The following TRHDE variants were observed in gnomAD, a reference collection of about 807,000 sequenced individuals.
The protein encoded by TRHDE is thyrotropin releasing hormone degrading enzyme.
A neutral mutation model predicts 125.7 loss-of-function variants in TRHDE; 72 were observed. The ratio of observed to expected loss-of-function variants is 0.57; its 90% CI spans 0.47 to 0.70. The LOEUF is 0.70. TRHDE is among the 30% of genes least tolerant of loss of function. The pLI, the probability that TRHDE is intolerant of heterozygous loss-of-function variation, is 0.00. For missense variants in TRHDE, 1,110 were observed against 1,327.1 expected, an observed-to-expected ratio of 0.84 and a Z score of 2.54; for synonymous variants, 509 against 509.1, an observed-to-expected ratio of 1.00 and a Z score of 0.00.
intron 15 of TRHDE, among the ~76,000 whole-genome samples, chr12:72,649,384 C>T (rs1020602321): frequency 3.3e-5 from 5 of 151,608 alleles, no homozygotes; most frequent in Admixed American, 6.6e-5. Context: ...TTTTATATAC[C>T]GTACACAAAA....
At chr12:72,476,132 C>T (rs924486638) in intron 5 of TRHDE, among the ~76,000 whole-genome samples, 1 of 152,076 alleles carries the variant, frequency 6.6e-6, no homozygotes, top group Non-Finnish European at 1.5e-5. Flanking sequence ...GGCCAGGCTG[C>T]TCTCGAACTC....
intron 7 of TRHDE, among the ~76,000 whole-genome samples, chr12:72,561,822 T>A (rs1055458319): frequency 2.0e-4 from 31 of 152,144 alleles, no homozygotes; most frequent in African/African-American, 7.5e-4. Flanking sequence ...AAAAGCCTGA[T>A]GGGAAAGTTT....
At chr12:72,562,786 G>A (rs1339157019) in intron 8 of TRHDE, 67 bp from the exon 9 acceptor site, 9 of 1,023,784 alleles carry the variant, frequency 8.8e-6, no homozygotes, top group Non-Finnish European at 1.3e-5. Flanking sequence ...AAATAAAAAT[G>A]TCTTAATGTT....
chr12:72,430,368 T>C (rs1874409114), intron 3 of TRHDE, among the ~76,000 whole-genome samples: 1 of 143,004 alleles, frequency 7.0e-6, no homozygotes, highest in Non-Finnish European at 1.5e-5. Flanking sequence ...TATACATATA[T>C]ACGTATATAT....
At chr12:72,332,160 A>T (rs932783673) in intron 2 of TRHDE, among the ~76,000 whole-genome samples, 11 of 151,262 alleles carry the variant, frequency 7.3e-5, no homozygotes, top group African/African-American at 1.2e-4. Flanking sequence ...TTTTTTTGAG[A>T]TGGAGTCTCG....
At chr12:72,577,146 G>A (rs571657321) in intron 12 of TRHDE, among the ~76,000 whole-genome samples, 4 of 152,134 alleles carry the variant, frequency 2.6e-5, no homozygotes, top group African/African-American at 9.7e-5. Flanking sequence ...TGTATTTAAT[G>A]TGATAATGTA....
At chr12:72,541,385 T>C (rs1334447586) in intron 6 of TRHDE, among the ~76,000 whole-genome samples, 2 of 151,572 alleles carry the variant, frequency 1.3e-5, no homozygotes, top group Non-Finnish European at 3.0e-5. Flanking sequence ...ATTGATTACG[T>C]ACCTACCTTT....
chr12:72,442,593 C>T (rs1382532148), intron 3 of TRHDE, among the ~76,000 whole-genome samples: 1 of 151,694 alleles, frequency 6.6e-6, no homozygotes. Flanking sequence ...CTGTTTTTCC[C>T]TCTACCACTT....
intron 12 of TRHDE, among the ~76,000 whole-genome samples, chr12:72,578,365 C>T (rs1203540431): frequency 6.6e-6 from 1 of 152,100 alleles, no homozygotes; most frequent in African/African-American, 2.4e-5. Context: ...CAGCAGAGTC[C>T]ATGACCTCAA....
chr12:72,528,826 T>C (rs1313246730), intron 6 of TRHDE, among the ~76,000 whole-genome samples: 2 of 152,144 alleles, frequency 1.3e-5, no homozygotes, highest in Non-Finnish European at 2.9e-5. Context: ...CATTCAATGC[T>C]GTTATTAGTT....
At chr12:72,409,806 A>C (rs1350329726) in intron 3 of TRHDE, among the ~76,000 whole-genome samples, 1 of 152,188 alleles carries the variant, frequency 6.6e-6, no homozygotes, top group Non-Finnish European at 1.5e-5. Context: ...GAATTACTTA[A>C]AATGATAATA....
In TRHDE at chr12:72,097,440, A is replaced by ATTTTTT. The variant is rs869290442; in HGVS notation, n.175-8186_175-8181dup. Among the ~76,000 whole-genome samples the ATTTTTT allele has an allele frequency of 2.2e-3, 47 of 21,644 alleles. 2 individuals carry two copies. Among genetic ancestry groups the ATTTTTT allele is most frequent in the African/African-American group, 3.8e-3 (40 of 10,568 alleles). 14.2% of individuals were successfully genotyped at this position (21,644 alleles called of 152,430 possible). A position where few individuals can be genotyped will look rare whatever the true frequency, so the allele number is the denominator to read the frequency against. ...CCTTGCAGTAGCATTTTCTCACTGA[A>ATTTTTT]TTTTTTTTTTTTTTTTTTTTTTTTT... On this transcript the variant is annotated intron_variant and non_coding_transcript_variant, in intron 1 of 4. Coordinates refer to the TRHDE transcript ENST00000548156.
chr12:72,212,193 C>T (rs532306609), intron 2 of TRHDE, among the ~76,000 whole-genome samples: 6 of 151,646 alleles, frequency 4.0e-5, no homozygotes, highest in African/African-American at 1.5e-4. Context: ...TATTCATTGG[C>T]TTAGAATTAA....
intron 2 of TRHDE, chr12:72,147,640 A>T (rs1876259679): frequency 6.6e-6 from 1 of 152,246 alleles, no homozygotes; most frequent in Admixed American, 6.5e-5. Context: ...AAAAGCCATT[A>T]AAAAAGAAAA....
chr12:72,509,608 G>A lies in TRHDE; in HGVS notation c.1722+9973G>A, dbSNP rs140485185. Reference sequence around the variant, plus strand: ...TACTTAAATGTCACCTTCTCAAGAAGACCTCCCATTTAAAATGGGAATTGA... The same window carrying A: ...TACTTAAATGTCACCTTCTCAAGAAAACCTCCCATTTAAAATGGGAATTGA... On this transcript the variant is annotated intron_variant, in intron 6 of 18. Transcript: ENST00000261180. 8.8e-3 allele frequency among the ~76,000 whole-genome samples: 1,332 copies of A among 152,170 alleles called. 8 individuals are homozygous for A. The highest frequency in any genetic ancestry group is 0.015 in the Non-Finnish European group (992 of 68,006).
chr12:72,456,399 G>A (rs1038016661), intron 3 of TRHDE, among the ~76,000 whole-genome samples: 4 of 152,100 alleles, frequency 2.6e-5, no homozygotes, highest in Non-Finnish European at 5.9e-5. Context: ...CATGTTATGT[G>A]TATATTAGAG....
intron 6 of TRHDE, among the ~76,000 whole-genome samples, chr12:72,525,470 T>A (rs369629913): frequency 1.8e-4 from 28 of 152,170 alleles, no homozygotes; most frequent in Middle Eastern, 6.8e-3. Context: ...AAAATCAAAT[T>A]AAAAGATTGT....
intron 2 of TRHDE, among the ~76,000 whole-genome samples, chr12:72,252,889 T>C (rs960881122): frequency 3.9e-5 from 6 of 152,106 alleles, no homozygotes; most frequent in African/African-American, 1.2e-4. Context: ...ATTAAGTTTA[T>C]ACCTCAATAT....
At chr12:72,491,766 GT>G (rs1430283701) in intron 5 of TRHDE, among the ~76,000 whole-genome samples, 5 of 151,918 alleles carry the variant, frequency 3.3e-5, no homozygotes, top group African/African-American at 9.7e-5. Context: ...CGCTTTTTAA[GT>G]TTATGCACTG....
Sources: allele counts gnomAD v4.1 joint callset (sites outside exome capture counted in the v4.1 genomes callset), GRCh38; gene constraint gnomAD v4.1.1; transcripts MANE v1.5; gene names NCBI Gene and HGNC (gene_info 2026-07-23, HGNC 2026-07-21).